The following ITGBL1 variants were observed in gnomAD, a reference collection of about 807,000 sequenced individuals.
ITGBL1 encodes the protein integrin subunit beta like 1.
ITGBL1 carries 51 observed loss-of-function variants against 68.5 expected under a neutral mutation model. The ratio of observed to expected loss-of-function variants is 0.74; its 90% CI spans 0.59 to 0.94. ITGBL1 has a LOEUF of 0.94. Among genes scored for constraint, ITGBL1 ranks in the 40% least tolerant of loss-of-function variants. ITGBL1 has a pLI of 0.00. For missense variants in ITGBL1, 649 were observed against 647.4 expected (o/e 1.00, Z -0.03); for synonymous variants, 209 against 227.3 (o/e 0.92, Z 0.72).
intron 2 of ITGBL1, among the ~76,000 whole-genome samples, chr13:101,527,483 A>C (rs988271340): frequency 4.6e-5 from 7 of 152,188 alleles, no homozygotes; most frequent in Admixed American, 4.6e-4. Flanking sequence ...TGGTCATTTG[A>C]GTTGTTTCCA....
In ITGBL1 at chr13:101,676,202, T is replaced by C. The variant is rs2033498652; in HGVS notation, c.1016-16383T>C. On this transcript the variant is annotated intron_variant, in intron 7 of 10. Coordinates refer to ENST00000376180, the MANE Select transcript of ITGBL1 (RefSeq NM_004791.3). ...GTCTCTTGACATACCTGTTTTTGTT[T>C]TGTTTTGCATTTTTGTTGTTGTTGT... Among the ~76,000 whole-genome samples, 7 of 152,260 alleles carry C rather than the reference T, an allele frequency of 4.6e-5. No individual in the cohort carries two copies. In the South Asian group the frequency reaches 1.5e-3, roughly 32 times the overall value.
At chr13:101,465,303 T>G (rs1324280118) in intron 2 of ITGBL1, among the ~76,000 whole-genome samples, 2 of 152,176 alleles carry the variant, frequency 1.3e-5, no homozygotes, top group Non-Finnish European at 2.9e-5. Flanking sequence ...TCATTGGAAA[T>G]CCTTGAGTCT....
downstream of ITGBL1, chr13:101,719,393 T>G (rs1476354808): frequency 6.6e-6 from 1 of 151,998 alleles, no homozygotes; most frequent in Non-Finnish European, 1.5e-5. Flanking sequence ...TTTAAGCCAC[T>G]GCTACCCAAA....
intron 8 of ITGBL1, among the ~76,000 whole-genome samples, chr13:101,698,196 T>C (rs934727098): frequency 2.6e-5 from 4 of 152,196 alleles, no homozygotes; most frequent in Non-Finnish European, 5.9e-5. Context: ...ATATCCAACA[T>C]GTGGCCAGAG....
chr13:101,689,928 T>C (rs2033846598), intron 7 of ITGBL1, among the ~76,000 whole-genome samples: 1 of 152,232 alleles, frequency 6.6e-6, no homozygotes, highest in Non-Finnish European at 1.5e-5. Context: ...AGTCATCCTA[T>C]TGTGCTACCA....
chr13:101,528,601 AT>A (rs1435238556), intron 2 of ITGBL1, among the ~76,000 whole-genome samples: 1 of 151,930 alleles, frequency 6.6e-6, no homozygotes, highest in African/African-American at 2.4e-5. Flanking sequence ...TGCTTAAAAT[AT>A]TTTTTAAATT....
At chr13:101,565,236 C>T (rs1401955532) in intron 2 of ITGBL1, among the ~76,000 whole-genome samples, 1 of 151,964 alleles carries the variant, frequency 6.6e-6, no homozygotes, top group Non-Finnish European at 1.5e-5. Context: ...GATTACCTTG[C>T]CACAATAATA....
intron 7 of ITGBL1, among the ~76,000 whole-genome samples, chr13:101,686,044 G>A (rs557763308): frequency 1.7e-3 from 266 of 152,204 alleles, no homozygotes; most frequent in Non-Finnish European, 2.1e-3. Flanking sequence ...ATTGGATTGG[G>A]TTGAGATGAG....
At chr13:101,477,901 C>G (rs1287919623) in intron 2 of ITGBL1, among the ~76,000 whole-genome samples, 1 of 151,928 alleles carries the variant, frequency 6.6e-6, no homozygotes, top group Non-Finnish European at 1.5e-5. Context: ...CTCAATTTTA[C>G]AAAACATTTA....
At chr13:101,519,521 C>T in intron 2 of ITGBL1, among the ~76,000 whole-genome samples, 1 of 152,146 alleles carries the variant, frequency 6.6e-6, no homozygotes, top group East Asian at 1.9e-4. Flanking sequence ...GCCTGTCTGC[C>T]TGCCTGCCTG....
chr13:101,580,543 A>T (rs1019566488), intron 5 of ITGBL1, among the ~76,000 whole-genome samples: 3 of 152,116 alleles, frequency 2.0e-5, no homozygotes, highest in Non-Finnish European at 4.4e-5. Context: ...GCACCCATTA[A>T]CTTATCATTT....
At chr13:101,559,746 C>G (rs1401405239) in intron 2 of ITGBL1, among the ~76,000 whole-genome samples, 5 of 152,210 alleles carry the variant, frequency 3.3e-5, no homozygotes, top group African/African-American at 1.2e-4. Flanking sequence ...TCTGCTCAGT[C>G]TTTTCACTTG....
intron 7 of ITGBL1, among the ~76,000 whole-genome samples, chr13:101,644,115 C>T (rs2032479778): frequency 6.6e-6 from 1 of 152,144 alleles, no homozygotes; most frequent in African/African-American, 2.4e-5. Flanking sequence ...CTTGGCCCTC[C>T]CTGTTGCTCC....
chr13:101,511,490 C>T (rs1399059062), intron 2 of ITGBL1, among the ~76,000 whole-genome samples: 1 of 152,050 alleles, frequency 6.6e-6, no homozygotes, highest in Non-Finnish European at 1.5e-5. Context: ...AGGATTTTTG[C>T]AGAAGCATTA....
At position 101,709,810 on chromosome 13, in the gene ITGBL1, C is replaced by T. The variant is rs541786597; in HGVS notation, c.1279+2908C>T. The stretch of plus-strand genomic sequence containing the variant: ...GTCTTCCCTAAGACCTGTCCAACTG[C>T]GAGTACAGGAAGAACACACAAAGCC... On this transcript the variant is annotated intron_variant, in intron 9 of 10. Coordinates refer to ENST00000376180, the MANE Select transcript of ITGBL1 (RefSeq NM_004791.3). 4.6e-5 allele frequency among the ~76,000 whole-genome samples: 7 copies of T among 152,276 alleles called. 1 individual carries two copies. The South Asian group carries it at 8.3e-4, about 18-fold the overall frequency.
chr13:101,562,472 A>C (rs930086747), intron 2 of ITGBL1, among the ~76,000 whole-genome samples: 7 of 152,008 alleles, frequency 4.6e-5, no homozygotes, highest in African/African-American at 7.2e-5. Context: ...GTTAAATATA[A>C]ATGAATGGGA....
intron 3 of ITGBL1, among the ~76,000 whole-genome samples, chr13:101,572,867 C>T (rs1331773831): frequency 1.3e-5 from 2 of 152,028 alleles, no homozygotes; most frequent in South Asian, 2.1e-4. Flanking sequence ...AAGTGACTTC[C>T]TGCTCTCATA....
intron 7 of ITGBL1, among the ~76,000 whole-genome samples, chr13:101,680,374 C>T (rs1413115128): frequency 1.3e-5 from 2 of 151,956 alleles, no homozygotes; most frequent in African/African-American, 4.8e-5. Context: ...TAATTACTCC[C>T]CAACTATTGA....
chr13:101,635,509 G>A (rs961607671), intron 7 of ITGBL1, among the ~76,000 whole-genome samples: 3 of 151,920 alleles, frequency 2.0e-5, no homozygotes, highest in African/African-American at 7.2e-5. Context: ...CAGTCTCAAA[G>A]CTTATTAAAG....
Sources: gnomAD v4.1 joint callset for allele counts (sites outside exome capture counted in the v4.1 genomes callset) on GRCh38, gnomAD v4.1.1 for gene constraint, MANE v1.5 for transcripts, NCBI Gene and HGNC (gene_info 2026-07-23, HGNC 2026-07-21) for gene names.